SOX5: variants seen among roughly 807,000 people sequenced by gnomAD.
SOX5 encodes the protein SRY-box transcription factor 5.
A neutral mutation model predicts 92.0 loss-of-function variants in SOX5; 9 were observed. The ratio of observed to expected loss-of-function variants is 0.10; its 90% confidence interval spans 0.06 to 0.17. The LOEUF (loss-of-function observed/expected upper bound fraction) is 0.17. Ranked by LOEUF, SOX5 falls within the 10% of genes least tolerant of loss-of-function variation. The pLI is 1.00. For synonymous variants in SOX5, 344 were observed against 336.3 expected (o/e 1.02, Z -0.25); for missense variants, 642 against 944.5 (o/e 0.68, Z 4.20).
intron 10 of SOX5, among the ~76,000 whole-genome samples, chr12:23,567,830 T>C (rs1947409604): frequency 6.6e-6 from 1 of 152,162 alleles, no homozygotes; most frequent in Non-Finnish European, 1.5e-5. Flanking sequence ...TCTGTTTTTC[T>C]TAACTAAAAA....
intron 4 of SOX5, among the ~76,000 whole-genome samples, chr12:24,044,406 C>T (rs1956809547): frequency 6.6e-6 from 1 of 152,092 alleles, no homozygotes; most frequent in African/African-American, 2.4e-5. Flanking sequence ...CCGGGAGGGG[C>T]AAGGATTACC....
intron 1 of SOX5, among the ~76,000 whole-genome samples, chr12:24,533,893 G>C (rs776187773): frequency 6.6e-6 from 1 of 152,138 alleles, no homozygotes; most frequent in Non-Finnish European, 1.5e-5. Flanking sequence ...GGAGACAGTC[G>C]TTAGTGTGCA....
Position 23,624,646 on chromosome 12 carries a change from G to T in SOX5, c.1017+16166C>A, listed in dbSNP as rs143395065. Among the ~76,000 whole-genome samples the T allele has an allele frequency of 7.8e-3, 1,181 of 152,264 alleles. 17 individuals carry two copies. The highest frequency in any genetic ancestry group is 0.027 in the African/African-American group (1,130 of 41,546). On this transcript the variant is annotated intron_variant, in intron 8 of 14. Coordinates refer to ENST00000451604, the MANE Select transcript of SOX5 (RefSeq NM_006940.6). ...TCAAACTCCACTGTCTTATCAGCCA[G>T]GCTTAGACTTTCTGAGGAGGAGATT... is the stretch of plus-strand genomic sequence containing the variant.
chr12:23,552,922 A>G (rs1291801154), intron 11 of SOX5, among the ~76,000 whole-genome samples: 1 of 152,004 alleles, frequency 6.6e-6, no homozygotes, highest in African/African-American at 2.4e-5. Flanking sequence ...TAACAAAACT[A>G]TTTTGACACA....
chr12:24,297,435 G>A (rs551681820), intron 2 of SOX5, among the ~76,000 whole-genome samples: 3 of 152,268 alleles, frequency 2.0e-5, no homozygotes, highest in Admixed American at 6.5e-5. Flanking sequence ...ATACCGCAGC[G>A]TGGGTATACG....
intron 10 of SOX5, among the ~76,000 whole-genome samples, chr12:23,569,614 T>A (rs940943604): frequency 1.3e-5 from 2 of 152,222 alleles, no homozygotes; most frequent in Admixed American, 6.5e-5. Context: ...CTCTCATGTG[T>A]CCTGCGTTTA....
At chr12:24,374,936 G>A (rs761702908) in intron 1 of SOX5, among the ~76,000 whole-genome samples, 4 of 152,148 alleles carry the variant, frequency 2.6e-5, no homozygotes, top group Admixed American at 6.5e-5. Flanking sequence ...GGCCCTGTGG[G>A]TGCAGGGTTG....
At chr12:24,420,153 G>A (rs1965696819) in intron 1 of SOX5, among the ~76,000 whole-genome samples, 1 of 152,168 alleles carries the variant, frequency 6.6e-6, no homozygotes, top group Non-Finnish European at 1.5e-5. Context: ...AAATTTGATA[G>A]TCCAAAATTA....
At chr12:24,505,830 T>TGTGTGTGTGTGTGTGTGTGTGTGTGC (rs1948662457) in intron 1 of SOX5, among the ~76,000 whole-genome samples, 2 of 56,048 alleles carry the variant, frequency 3.6e-5, no homozygotes, top group African/African-American at 1.7e-4. Flanking sequence ...AGGCTTGGTA[T>TGTGTGTGTGTGTGTGTGTGTGTGTGC]GTGTGTGTGT....
At chr12:23,816,256 C>A (rs1012438500) in intron 3 of SOX5, among the ~76,000 whole-genome samples, 1 of 147,704 alleles carries the variant, frequency 6.8e-6, no homozygotes, top group African/African-American at 2.5e-5. Context: ...GTCGCCCAGG[C>A]TGGAGTGCAG....
chr12:24,139,373 G>A (rs1950371286), intron 4 of SOX5, among the ~76,000 whole-genome samples: 1 of 152,112 alleles, frequency 6.6e-6, no homozygotes, highest in African/African-American at 2.4e-5. Flanking sequence ...GGGCATACAA[G>A]AAGCCCATTA....
chr12:23,687,334 T>C (rs139808840), intron 6 of SOX5, among the ~76,000 whole-genome samples: 118 of 152,106 alleles, frequency 7.8e-4, no homozygotes, highest in African/African-American at 2.6e-3. Flanking sequence ...TATACAGGCA[T>C]GAAAGCATAT....
chr12:24,341,692 A>T (rs993478139), intron 2 of SOX5, among the ~76,000 whole-genome samples: 2 of 152,194 alleles, frequency 1.3e-5, no homozygotes, highest in Non-Finnish European at 2.9e-5. Context: ...AGAATTCTCT[A>T]ATGAGAGAAA....
chr12:23,605,492 T>TACACAC (rs112964619), intron 8 of SOX5, among the ~76,000 whole-genome samples: 1 of 149,216 alleles, frequency 6.7e-6, no homozygotes. Flanking sequence ...AAATAAATTT[T>TACACAC]ACACACACAC....
intron 3 of SOX5, among the ~76,000 whole-genome samples, chr12:23,803,577 A>G (rs1285320855): frequency 6.6e-6 from 1 of 152,188 alleles, no homozygotes; most frequent in Non-Finnish European, 1.5e-5. Flanking sequence ...TAAAATATTT[A>G]ATACTAATCT....
At chr12:23,950,152 T>A (rs2139825125), upstream of SOX5, among the ~76,000 whole-genome samples, 1 of 152,140 alleles carries the variant, frequency 6.6e-6, no homozygotes, top group South Asian at 2.1e-4. Flanking sequence ...ACTGCATTTA[T>A]TAACTAATTA....
At chr12:24,559,797 A>AT (rs940235944) in intron 1 of SOX5, among the ~76,000 whole-genome samples, 4 of 151,868 alleles carry the variant, frequency 2.6e-5, no homozygotes, top group Admixed American at 2.0e-4. Flanking sequence ...GTGTATATTC[A>AT]TTTTTTTTCT....
intron 2 of SOX5, among the ~76,000 whole-genome samples, chr12:24,299,429 AT>A (rs931309446): frequency 1.3e-3 from 190 of 150,052 alleles, no homozygotes; most frequent in East Asian, 4.7e-3. Flanking sequence ...TATTTTAAGT[AT>A]TTTTTTTTTC....
chr12:23,655,356 G>T (rs911963500), intron 7 of SOX5, among the ~76,000 whole-genome samples: 11 of 151,956 alleles, frequency 7.2e-5, no homozygotes, highest in African/African-American at 2.2e-4. Context: ...ATGAATTATG[G>T]AACTGCTTCT....
Sources: gnomAD v4.1 joint callset for allele counts (sites outside exome capture counted in the v4.1 genomes callset) on GRCh38, gnomAD v4.1.1 for gene constraint, MANE v1.5 for transcripts, NCBI Gene and HGNC (gene_info 2026-07-23, HGNC 2026-07-21) for gene names.